Variants in RASEF observed in about 807,000 individuals in gnomAD.
RASEF encodes ras and EF-hand domain-containing protein.
A neutral mutation model predicts 90.1 loss-of-function variants in RASEF; 68 were observed. The observed-to-expected ratio is 0.75, with a 90% confidence interval of 0.62 to 0.92. The LOEUF (loss-of-function observed/expected upper bound fraction) is 0.92, where lower values mean the gene tolerates loss of function less well. RASEF is among the 40% of genes least tolerant of loss of function. The probability of loss-of-function intolerance (pLI) is 0.00; values close to 1 mark genes in which losing one functional copy is unlikely to be tolerated. For missense variants in RASEF, 949 were observed against 937.2 expected, an observed-to-expected ratio of 1.01 and a Z score of -0.16; for synonymous variants, 331 against 345.2, an observed-to-expected ratio of 0.96 and a Z score of 0.46.
intron 1 of RASEF, among the ~76,000 whole-genome samples, chr9:83,056,226 G>A (rs1029542901): frequency 2.7e-5 from 4 of 148,074 alleles, no homozygotes; most frequent in South Asian, 2.1e-4. Flanking sequence ...CAATGAACTT[G>A]TTTGTTTGAC....
chr9:83,195,214 CCT>C, the RASEF span, among the ~76,000 whole-genome samples: 2 of 152,278 alleles, frequency 1.3e-5, no homozygotes, highest in African/African-American at 4.8e-5. Context: ...ATTTTCGTGC[CCT>C]CTCTCATACC....
the RASEF span, among the ~76,000 whole-genome samples, chr9:83,103,192 C>T: frequency 1.3e-5 from 2 of 152,136 alleles, no homozygotes; most frequent in African/African-American, 4.8e-5. Context: ...TTGTAGGAGG[C>T]CCAGGCTTGA....
chr9:82,997,007 C>T lies in RASEF; in HGVS notation c.1920+5G>A, dbSNP rs1451850138. 5 of 1,499,114 alleles carry T rather than the reference C, an allele frequency of 3.3e-6. No homozygotes were observed. The African/African-American group carries it at 4.1e-5, about 12-fold the overall frequency. 92.9% of individuals were successfully genotyped at this position (1,499,114 alleles called of 1,614,324 possible). ...ATTTTCTGTTTCTCCATTATGATTT[C>T]TTACCTCAATCATATCTACCCATTC... On this transcript the variant is annotated splice_donor_5th_base_variant and intron_variant, in intron 14 of 16. Coordinates refer to ENST00000376447, the MANE Select transcript of RASEF (RefSeq NM_152573.4).
intron 1 of RASEF, among the ~76,000 whole-genome samples, chr9:83,041,960 A>C: frequency 6.6e-6 from 1 of 152,340 alleles, no homozygotes; most frequent in South Asian, 2.1e-4. Context: ...AGTCAAGAAA[A>C]GAAAAACCAG....
At chr9:83,047,976 T>C (rs1829963060) in intron 1 of RASEF, 1 of 302,212 alleles carries the variant, frequency 3.3e-6, no homozygotes, top group African/African-American at 2.3e-5. Context: ...AGCATCACTG[T>C]CAACATTTGG....
intron 12 of RASEF, among the ~76,000 whole-genome samples, chr9:82,999,077 T>A (rs1211658533): frequency 8.5e-6 from 1 of 118,142 alleles, no homozygotes; most frequent in Non-Finnish European, 1.8e-5. Flanking sequence ...CAGAGAACCA[T>A]AAATTTACAA....
chr9:83,073,130 G>A, the RASEF span, among the ~76,000 whole-genome samples: 1 of 152,058 alleles, frequency 6.6e-6, no homozygotes, highest in Non-Finnish European at 1.5e-5. Context: ...AGTCCCCCAT[G>A]CACTTCCACA....
At chr9:83,134,449 C>CATATAT in the RASEF span, among the ~76,000 whole-genome samples, 3 of 139,322 alleles carry the variant, frequency 2.2e-5, no homozygotes, top group African/African-American at 5.1e-5. Context: ...CACACACACA[C>CATATAT]ATATATATAT....
At chr9:83,109,031 A>G in the RASEF span, among the ~76,000 whole-genome samples, 1 of 152,210 alleles carries the variant, frequency 6.6e-6, no homozygotes, top group Admixed American at 6.5e-5. Flanking sequence ...CTTACAGACA[A>G]AGGAGTTCAT....
In RASEF at chr9:83,015,832, C is replaced by T. The variant is rs1233312275; in HGVS notation, c.738G>A (p.Leu246=). ...RRQYETEVGD[L]QVTIKKLRKL... is the part of the protein sequence containing the mutation. Reference sequence around the variant, plus strand: ...TTCTTAGCTTTTTAATGGTCACCTGCAGATCTCCTACTTCAGTTTCATACT... The same window carrying T: ...TTCTTAGCTTTTTAATGGTCACCTGTAGATCTCCTACTTCAGTTTCATACT... Residue 246 remains leucine (L), a synonymous_variant, in exon 4 of 17, where the codon CTG becomes CTA. Transcript: ENST00000376447. 4 of 1,613,950 alleles carry T rather than the reference C, an allele frequency of 2.5e-6. No homozygotes were observed. Among genetic ancestry groups the T allele is most frequent in the Middle Eastern group, 1.6e-4 (1 of 6,062 alleles).
At chr9:83,076,140 C>A in the RASEF span, among the ~76,000 whole-genome samples, 1 of 151,216 alleles carries the variant, frequency 6.6e-6, no homozygotes, top group African/African-American at 2.4e-5. Flanking sequence ...TGTACTACAG[C>A]CTGGTGACAG....
intron 1 of RASEF, among the ~76,000 whole-genome samples, chr9:83,057,068 A>G (rs1830115084): frequency 6.6e-6 from 1 of 152,210 alleles, no homozygotes; most frequent in South Asian, 2.1e-4. Flanking sequence ...TAAGGCATGC[A>G]CAGATTCACA....
the RASEF span, among the ~76,000 whole-genome samples, chr9:83,078,180 T>C: frequency 6.6e-6 from 1 of 152,198 alleles, no homozygotes; most frequent in Non-Finnish European, 1.5e-5. Context: ...GTGATTCTGA[T>C]GCAGATAAAA....
chr9:82,994,636 A>G (rs184942582), intron 14 of RASEF, among the ~76,000 whole-genome samples: 53 of 152,324 alleles, frequency 3.5e-4, no homozygotes, highest in African/African-American at 1.2e-3. Context: ...CTACACAGGA[A>G]CCGGGCAGAT....
chr9:83,161,764 G>A, the RASEF span, among the ~76,000 whole-genome samples: 25 of 151,990 alleles, frequency 1.6e-4, 1 homozygote, highest in East Asian at 2.7e-3. Flanking sequence ...CGTGTTGTGA[G>A]AGGAATCCAG....
chr9:83,137,872 G>C, the RASEF span, among the ~76,000 whole-genome samples: 11 of 151,938 alleles, frequency 7.2e-5, no homozygotes, highest in Non-Finnish European at 1.6e-4. Flanking sequence ...ATGGATGTGG[G>C]TTAAGCTCTC....
At position 83,007,426 on chromosome 9, in the gene RASEF, T is replaced by C; in HGVS notation, c.1028+11A>G. 1 of 1,592,778 alleles carries C rather than the reference T, an allele frequency of 6.3e-7. No homozygotes were observed. The highest frequency in any genetic ancestry group is 1.1e-5 in the South Asian group (1 of 90,640). On this transcript the variant is annotated intron_variant, in intron 7 of 16. Coordinates refer to ENST00000376447, the MANE Select transcript of RASEF (RefSeq NM_152573.4). Reference sequence around the variant, plus strand: ...ATGTAAATGTAATGAGCATTTGATCTGCGGACTTACTGGAGTATTTCAATT... The same window carrying C: ...ATGTAAATGTAATGAGCATTTGATCCGCGGACTTACTGGAGTATTTCAATT...
intron 1 of RASEF, among the ~76,000 whole-genome samples, chr9:83,031,215 T>A (rs1372982614): frequency 6.6e-6 from 1 of 152,260 alleles, no homozygotes; most frequent in African/African-American, 2.4e-5. Flanking sequence ...TATTTTATCA[T>A]CTTCTTCCCT....
the RASEF span, among the ~76,000 whole-genome samples, chr9:83,183,807 A>G: frequency 0.36 from 55,517 of 152,158 alleles, 11,057 homozygotes; most frequent in African/African-American, 0.51. Context: ...CTCAGCTCTT[A>G]AAATGGACTG....
Sources: gnomAD v4.1 joint callset for allele counts (sites outside exome capture counted in the v4.1 genomes callset) on GRCh38, gnomAD v4.1.1 for gene constraint, MANE v1.5 for transcripts, NCBI Gene and HGNC (gene_info 2026-07-23, HGNC 2026-07-21) for gene names.